The following PCDHA10 variants were observed in gnomAD, a reference collection of about 807,000 sequenced individuals.
PCDHA10 encodes protocadherin alpha 10.
Under a neutral mutation model 61.2 loss-of-function variants are expected in PCDHA10, and 45 were observed. That is an observed-to-expected ratio of 0.74 (90% CI 0.58 to 0.94). The LOEUF (loss-of-function observed/expected upper bound fraction) is 0.94, where lower values mean the gene tolerates loss of function less well. Among genes scored for constraint, PCDHA10 ranks in the 40% least tolerant of loss-of-function variants. The pLI, the probability that PCDHA10 is intolerant of heterozygous loss-of-function variation, is 0.00. For synonymous variants in PCDHA10, 602 were observed against 548.8 expected (o/e 1.10, Z -1.35); for missense variants, 1,278 against 1,236.2 (o/e 1.03, Z -0.51).
chr5:140,935,447 A>G (rs542363713), intron 1 of PCDHA10, among the ~76,000 whole-genome samples: 1 of 152,364 alleles, frequency 6.6e-6, no homozygotes, highest in South Asian at 2.1e-4. Flanking sequence ...AAATAATATG[A>G]TACTGTAGCA....
Position 140,883,665 on chromosome 5 carries a change from A to G in PCDHA10, c.2388+25229A>G, listed in dbSNP as rs782383703. 3.7e-6 allele frequency: 6 copies of G among 1,613,494 alleles called. No individual in the cohort carries two copies. The African/African-American group carries it at 8.0e-5, about 22-fold the overall frequency. On this transcript the variant is annotated intron_variant, in intron 1 of 3. Transcript: ENST00000307360. ...CCCGAGTACACGGTGTTCGTGAAGG[A>G]AAACAATCCGCCGGGCTGCCACATC...
intron 1 of PCDHA10, chr5:140,866,016 T>C (rs191505079): frequency 6.6e-6 from 1 of 152,304 alleles, no homozygotes; most frequent in African/African-American, 2.4e-5. Flanking sequence ...ATTTTTTTCT[T>C]GTAAGAGTTC....
intron 2 of PCDHA10, among the ~76,000 whole-genome samples, chr5:140,981,989 A>G (rs1343187322): frequency 2.0e-5 from 3 of 152,236 alleles, no homozygotes; most frequent in African/African-American, 4.8e-5. Flanking sequence ...AAAATAGAAA[A>G]TAAGGTTAAG....
chr5:141,006,568 T>C (rs2098278532), intron 3 of PCDHA10, among the ~76,000 whole-genome samples: 1 of 152,110 alleles, frequency 6.6e-6, no homozygotes, highest in Non-Finnish European at 1.5e-5. Flanking sequence ...CTCTGGCTAC[T>C]GTGTGGAGGG....
intron 1 of PCDHA10, among the ~76,000 whole-genome samples, chr5:140,906,181 T>C (rs944915696): frequency 6.6e-6 from 1 of 152,170 alleles, no homozygotes. Flanking sequence ...CTTTGCATCC[T>C]TCAATCCAAT....
At chr5:140,979,525 T>A (rs1347519268) in intron 2 of PCDHA10, among the ~76,000 whole-genome samples, 1 of 152,244 alleles carries the variant, frequency 6.6e-6, no homozygotes, top group Non-Finnish European at 1.5e-5. Flanking sequence ...TGTTGCTATC[T>A]TATTGTCATC....
At position 140,858,269 on chromosome 5, in the gene PCDHA10, A is replaced by T. The variant is rs367651349; in HGVS notation, c.2221A>T (p.Ser741Cys). 8.2e-4 allele frequency: 1,313 copies of T among 1,596,554 alleles called. 103 individuals carry two copies. Among genetic ancestry groups the T allele is most frequent in the Non-Finnish European group, 9.6e-4 (1,118 of 1,166,912 alleles). The change falls in exon 1 of 4, where the codon AGC (serine) becomes TGC (cysteine). Residue 741 changes from serine to cysteine, a missense_variant. Transcript: ENST00000307360. Reference sequence around the variant, plus strand: ...GGTGAAGCCCACGCTGGTGTGCTCTAGCGCGGTGGGGAGCTGGTCTTACTC... The same window carrying T: ...GGTGAAGCCCACGCTGGTGTGCTCTTGCGCGGTGGGGAGCTGGTCTTACTC... ...GPVKPTLVCS[S>C]AVGSWSYSQQ...
chr5:140,873,821 T>C (rs562633), intron 1 of PCDHA10, among the ~76,000 whole-genome samples: 2,262 of 152,230 alleles, frequency 0.015, 53 homozygotes, highest in African/African-American at 0.052. Context: ...CCACCACTCC[T>C]GGCTAATTTT....
At chr5:141,007,161 G>C (rs2098308747) in intron 3 of PCDHA10, among the ~76,000 whole-genome samples, 1 of 152,146 alleles carries the variant, frequency 6.6e-6, no homozygotes, top group Non-Finnish European at 1.5e-5. Context: ...TCAAAGAACA[G>C]TCAGAGAGAA....
intron 1 of PCDHA10, among the ~76,000 whole-genome samples, chr5:140,945,881 A>C (rs1334626828): frequency 6.6e-6 from 1 of 152,158 alleles, no homozygotes; most frequent in African/African-American, 2.4e-5. Flanking sequence ...AAAACTAACA[A>C]AGAAAACACA....
rs150226999 is a variant in PCDHA10, at chr5:140,970,370, C to T, written c.2389-8579C>T. 2.1e-3 allele frequency among the ~76,000 whole-genome samples: 315 copies of T among 152,234 alleles called. 1 individual carries two copies. The highest frequency in any genetic ancestry group is 7.2e-3 in the African/African-American group (299 of 41,540). On this transcript the variant is annotated intron_variant, in intron 1 of 3. Coordinates refer to ENST00000307360, the MANE Select transcript of PCDHA10 (RefSeq NM_018901.4). ...GGATCTAAAATTTGATTTGCTATAG[C>T]TTCAAAAGGCTGGCTTGGAAAGTGG...
At chr5:140,881,259 C>A in intron 1 of PCDHA10, 1 of 524,594 alleles carries the variant, frequency 1.9e-6, no homozygotes, top group Non-Finnish European at 2.4e-6. Flanking sequence ...AGGTTTTACT[C>A]AGTGATGATG....
intron 1 of PCDHA10, among the ~76,000 whole-genome samples, chr5:140,895,253 C>A (rs2153449431): frequency 6.6e-6 from 1 of 152,084 alleles, no homozygotes; most frequent in East Asian, 1.9e-4. Context: ...TCAAAGCTTT[C>A]TTTTTTTTCT....
rs781807025 is a variant in PCDHA10, at chr5:140,872,165, CTT to C, written c.2388+13740_2388+13741del. Among the ~76,000 whole-genome samples the C allele has an allele frequency of 5.6e-3, 809 of 144,322 alleles. 4 individuals are homozygous for C. Among genetic ancestry groups the C allele is most frequent in the Middle Eastern group, 0.014 (4 of 276 alleles). 94.7% of individuals were successfully genotyped at this position (144,322 alleles called of 152,430 possible). On this transcript the variant is annotated intron_variant, in intron 1 of 3. Transcript: ENST00000307360. The stretch of plus-strand genomic sequence containing the variant: ...CATTAGTATGACATGATTTACTTTT[CTT>C]TTTTTTTTTTACAGTGTTAAACGTT...
chr5:140,923,062 A>G (rs548165193), intron 1 of PCDHA10, among the ~76,000 whole-genome samples: 1 of 152,372 alleles, frequency 6.6e-6, no homozygotes, highest in African/African-American at 2.4e-5. Context: ...TAAAAGAGCT[A>G]GGTCTCCTCA....
intron 3 of PCDHA10, among the ~76,000 whole-genome samples, chr5:141,007,801 G>A (rs559830556): frequency 2.6e-5 from 4 of 152,148 alleles, no homozygotes; most frequent in African/African-American, 7.2e-5. Flanking sequence ...GCCTTTATCT[G>A]CCATTCATTT....
At chr5:140,924,901 A>AAAAAAATAAAT (rs369245222) in intron 1 of PCDHA10, among the ~76,000 whole-genome samples, 34 of 80,504 alleles carry the variant, frequency 4.2e-4, no homozygotes, top group Non-Finnish European at 7.7e-4. Context: ...TCTCAAAAAA[A>AAAAAAATAAAT]AAAATAAAAT....
At chr5:140,957,386 T>C (rs1461790676) in intron 1 of PCDHA10, among the ~76,000 whole-genome samples, 1 of 152,226 alleles carries the variant, frequency 6.6e-6, no homozygotes, top group Non-Finnish European at 1.5e-5. Context: ...TGTATTGTTA[T>C]AATTGTCCTA....
chr5:140,893,048 T>C (rs1462017776), intron 1 of PCDHA10, among the ~76,000 whole-genome samples: 1 of 152,250 alleles, frequency 6.6e-6, no homozygotes, highest in Non-Finnish European at 1.5e-5. Flanking sequence ...CCCTCCAGGC[T>C]CAGCCATACT....
Sources: gnomAD v4.1 joint callset for allele counts (sites outside exome capture counted in the v4.1 genomes callset) on GRCh38, gnomAD v4.1.1 for gene constraint, MANE v1.5 for transcripts, NCBI Gene and HGNC (gene_info 2026-07-23, HGNC 2026-07-21) for gene names.